Variants in KCNK2 observed in about 807,000 individuals in gnomAD.
KCNK2 encodes the protein potassium two pore domain channel subfamily K member 2, also known as potassium channel subfamily K member 2.
In KCNK2, 21 loss-of-function variants were observed where a neutral mutation model predicts 40.5. The observed-to-expected ratio is 0.52, with a 90% CI of 0.37 to 0.75. The LOEUF (loss-of-function observed/expected upper bound fraction) is 0.75, where lower values mean the gene tolerates loss of function less well. Among genes scored for constraint, KCNK2 ranks in the 30% least tolerant of loss-of-function variants. The probability of loss-of-function intolerance (pLI) is 0.00; values close to 1 mark genes in which losing one functional copy is unlikely to be tolerated. For missense variants in KCNK2, 399 were observed against 531.6 expected (o/e 0.75, Z 2.45); for synonymous variants, 191 against 202.2 (o/e 0.94, Z 0.47).
At chr1:215,181,957 C>T (rs1466830484) in intron 5 of KCNK2, among the ~76,000 whole-genome samples, 4 of 152,190 alleles carry the variant, frequency 2.6e-5, no homozygotes, top group African/African-American at 9.7e-5. Context: ...CAGTGCATGG[C>T]CACTGAGTGT....
chr1:215,127,153 G>C (rs1453328236), intron 3 of KCNK2, among the ~76,000 whole-genome samples: 1 of 152,046 alleles, frequency 6.6e-6, no homozygotes, highest in East Asian at 1.9e-4. Flanking sequence ...AAGTTGGGAG[G>C]GTTTTGGAAA....
At chr1:215,214,758 C>T (rs764432626) in intron 6 of KCNK2, among the ~76,000 whole-genome samples, 4 of 151,796 alleles carry the variant, frequency 2.6e-5, no homozygotes, top group Admixed American at 2.0e-4. Flanking sequence ...CCCGGGAGGT[C>T]GAGGTTGCAA....
rs893707355 is a variant in KCNK2 at position 215,070,135 on chromosome 1, G to A, written c.35-16233G>A. Among the ~76,000 whole-genome samples, 3 of 152,112 alleles carry A rather than the reference G, an allele frequency of 2.0e-5. No individual in the cohort carries two copies. In the South Asian group the frequency reaches 6.2e-4, roughly 31 times the overall value. On this transcript the variant is annotated intron_variant, in intron 1 of 6. Transcript: ENST00000391895. ...TATATAGGAAACAGGTTTAGGTTGG[G>A]CACGGTGGCTCATGCCTGTAATCCC...
chr1:215,075,984 C>T (rs111234946), intron 1 of KCNK2, among the ~76,000 whole-genome samples: 45 of 152,346 alleles, frequency 3.0e-4, no homozygotes, highest in African/African-American at 1.0e-3. Context: ...ATAATCTGTG[C>T]TCTAACGATC....
intron 1 of KCNK2, among the ~76,000 whole-genome samples, chr1:215,067,764 G>C (rs1658609521): frequency 1.3e-5 from 2 of 152,122 alleles, no homozygotes; most frequent in South Asian, 4.1e-4. Flanking sequence ...TACTTGGAAG[G>C]CTGAGGCAGG....
Position 215,034,752 on chromosome 1 carries a change from C to A in KCNK2, c.34+28797C>A, listed in dbSNP as rs1657327574. Among the ~76,000 whole-genome samples the A allele has an allele frequency of 2.0e-5, 3 of 152,068 alleles. No homozygotes were observed. In the South Asian group the frequency reaches 6.2e-4, roughly 31 times the overall value. On this transcript the variant is annotated intron_variant, in intron 1 of 6. Coordinates refer to the KCNK2 transcript ENST00000391895. ...GAACTCTCTGTTCTGTTTCATTGAT[C>A]TATTTTTTATCTTTACATTAATATT...
intron 1 of KCNK2, among the ~76,000 whole-genome samples, chr1:215,011,730 C>T (rs560273882): frequency 4.0e-5 from 6 of 151,872 alleles, no homozygotes; most frequent in African/African-American, 9.7e-5. Flanking sequence ...TTCAGCCTCC[C>T]GAGTAGCTGG....
intron 5 of KCNK2, among the ~76,000 whole-genome samples, chr1:215,174,129 T>C (rs1249778174): frequency 2.0e-5 from 3 of 151,504 alleles, no homozygotes; most frequent in Non-Finnish European, 4.4e-5. Flanking sequence ...CTTTAATCCA[T>C]CTTGAATTAA....
At chr1:215,079,589 G>A (rs1382963722), upstream of KCNK2, among the ~76,000 whole-genome samples, 2 of 152,184 alleles carry the variant, frequency 1.3e-5, no homozygotes, top group African/African-American at 2.4e-5. Flanking sequence ...CTGGCCCCAT[G>A]ATCCCTATCA....
chr1:215,026,897 T>C (rs1278382178), intron 1 of KCNK2, among the ~76,000 whole-genome samples: 1 of 152,032 alleles, frequency 6.6e-6, no homozygotes, highest in Non-Finnish European at 1.5e-5. Context: ...ATTTATTCCA[T>C]TTGAAAACAG....
intron 6 of KCNK2, among the ~76,000 whole-genome samples, chr1:215,208,836 G>A (rs1665430284): frequency 6.6e-6 from 1 of 151,846 alleles, no homozygotes; most frequent in African/African-American, 2.4e-5. Context: ...CTATTCTTCT[G>A]TTTTGTTTTG....
chr1:215,019,853 A>G (rs11120466), intron 1 of KCNK2, among the ~76,000 whole-genome samples: 16,151 of 152,122 alleles, frequency 0.11, 930 homozygotes, highest in Middle Eastern at 0.28. Flanking sequence ...TTTCTTTGGC[A>G]CAATATTATT....
At chr1:215,155,559 C>T (rs907058857) in intron 3 of KCNK2, among the ~76,000 whole-genome samples, 3 of 152,048 alleles carry the variant, frequency 2.0e-5, no homozygotes, top group African/African-American at 4.8e-5. Flanking sequence ...CTTGCTCTGT[C>T]GCCAGGCTGG....
At chr1:215,194,836 A>C in intron 5 of KCNK2, 117 bp from the exon 6 acceptor site, 1 of 700,982 alleles carries the variant, frequency 1.4e-6, no homozygotes, top group South Asian at 2.2e-5. Flanking sequence ...TCCATTGATA[A>C]GAATACTAGA....
chr1:215,147,296 A>G (rs1459275017), intron 3 of KCNK2, among the ~76,000 whole-genome samples: 2 of 152,186 alleles, frequency 1.3e-5, no homozygotes, highest in Non-Finnish European at 2.9e-5. Flanking sequence ...GAAGAAAATA[A>G]TTTAGTTGTT....
At chr1:215,159,939 A>T (rs1663122113) in intron 3 of KCNK2, among the ~76,000 whole-genome samples, 1 of 152,190 alleles carries the variant, frequency 6.6e-6, no homozygotes, top group Non-Finnish European at 1.5e-5. Flanking sequence ...CATTTGTGAG[A>T]AAGTATCAGA....
intron 1 of KCNK2, among the ~76,000 whole-genome samples, chr1:215,066,343 A>G (rs1433530520): frequency 6.6e-6 from 1 of 152,180 alleles, no homozygotes; most frequent in Non-Finnish European, 1.5e-5. Context: ...ATAGAAACAT[A>G]TGATATAACT....
intron 1 of KCNK2, among the ~76,000 whole-genome samples, chr1:215,041,209 C>A (rs1372937330): frequency 2.6e-5 from 4 of 152,150 alleles, no homozygotes; most frequent in African/African-American, 9.7e-5. Flanking sequence ...TCTGCCACTT[C>A]TTAGCGATTT....
chr1:215,034,123 A>G (rs1011905902), intron 1 of KCNK2, among the ~76,000 whole-genome samples: 37 of 152,128 alleles, frequency 2.4e-4, no homozygotes, highest in Non-Finnish European at 1.9e-4. Context: ...CAATTCTTTG[A>G]TGGATCTAAA....
Sources: gnomAD v4.1 joint callset for allele counts (sites outside exome capture counted in the v4.1 genomes callset) on GRCh38, gnomAD v4.1.1 for gene constraint, MANE v1.5 for transcripts, NCBI Gene and HGNC (gene_info 2026-07-23, HGNC 2026-07-21) for gene names.